The following DPP10 variants were observed in gnomAD, a reference collection of about 807,000 sequenced individuals.
The protein encoded by DPP10 is inactive dipeptidyl peptidase 10.
In DPP10, 33 loss-of-function variants were observed where a neutral mutation model predicts 120.9. The ratio of observed to expected loss-of-function variants is 0.27; its 90% confidence interval spans 0.21 to 0.37. The LOEUF (loss-of-function observed/expected upper bound fraction) is 0.37. Ranked by LOEUF, DPP10 falls within the 10% of genes least tolerant of loss-of-function variation. The probability of loss-of-function intolerance (pLI) is 1.00; values close to 1 mark genes in which losing one functional copy is unlikely to be tolerated. For missense variants in DPP10, 816 were observed against 942.8 expected (o/e 0.87, Z 1.76); for synonymous variants, 337 against 326.1 (o/e 1.03, Z -0.36).
intron 3 of DPP10, among the ~76,000 whole-genome samples, chr2:115,377,301 A>G (rs1488034606): frequency 6.6e-6 from 1 of 152,016 alleles, no homozygotes; most frequent in Admixed American, 6.6e-5. Flanking sequence ...TCTGATGGCC[A>G]GTGATGGTGA....
intron 1 of DPP10, among the ~76,000 whole-genome samples, chr2:114,920,402 G>A (rs2106636351): frequency 6.6e-6 from 1 of 152,198 alleles, no homozygotes; most frequent in East Asian, 1.9e-4. Context: ...ACCCTACTTT[G>A]GTCATGTCCT....
At chr2:114,767,392 T>C (rs1004898669) in intron 1 of DPP10, among the ~76,000 whole-genome samples, 1 of 150,768 alleles carries the variant, frequency 6.6e-6, no homozygotes, top group Non-Finnish European at 1.5e-5. Context: ...ACCTAATTGA[T>C]GAATGGAGGA....
intron 1 of DPP10, among the ~76,000 whole-genome samples, chr2:115,194,576 T>C (rs2055126937): frequency 6.6e-6 from 1 of 152,140 alleles, no homozygotes; most frequent in Non-Finnish European, 1.5e-5. Context: ...TACTAATAGA[T>C]GTTTCAACCT....
intron 1 of DPP10, among the ~76,000 whole-genome samples, chr2:114,600,687 G>A (rs553526146): frequency 6.6e-6 from 1 of 151,798 alleles, no homozygotes; most frequent in Non-Finnish European, 1.5e-5. Context: ...AGTGTTTAAT[G>A]TCCCAGTAAT....
intron 1 of DPP10, among the ~76,000 whole-genome samples, chr2:115,251,929 C>A (rs961146175): frequency 6.6e-6 from 1 of 152,188 alleles, no homozygotes. Context: ...GGCAGCCCCA[C>A]CTTCCAGTAT....
chr2:115,591,596 C>T (rs2082668463), intron 5 of DPP10, among the ~76,000 whole-genome samples: 1 of 152,138 alleles, frequency 6.6e-6, no homozygotes. Flanking sequence ...TGTGATGCCT[C>T]CAGCTTTGTT....
intron 1 of DPP10, among the ~76,000 whole-genome samples, chr2:115,032,462 G>T (rs114546455): frequency 0.019 from 2,907 of 152,240 alleles, 79 homozygotes; most frequent in African/African-American, 0.057. Flanking sequence ...TACAAAGAAA[G>T]ATATTTATTT....
At chr2:114,661,856 TCTC>T (rs1697428099) in intron 1 of DPP10, among the ~76,000 whole-genome samples, 2 of 152,154 alleles carry the variant, frequency 1.3e-5, no homozygotes, top group African/African-American at 4.8e-5. Flanking sequence ...GAAAACGTCT[TCTC>T]CTTAATAAAA....
chr2:114,704,129 T>A (rs1412907373), intron 1 of DPP10, among the ~76,000 whole-genome samples: 1 of 152,126 alleles, frequency 6.6e-6, no homozygotes, highest in Non-Finnish European at 1.5e-5. Flanking sequence ...ATGCTCAGAA[T>A]GATGTATTTC....
At chr2:114,541,140 C>T (rs1013827931) in intron 1 of DPP10, among the ~76,000 whole-genome samples, 2 of 152,142 alleles carry the variant, frequency 1.3e-5, no homozygotes, top group African/African-American at 4.8e-5. Context: ...TTGTGATTTC[C>T]GATGGGGGCG....
intron 5 of DPP10, among the ~76,000 whole-genome samples, chr2:115,545,513 A>T (rs1428480247): frequency 2.6e-5 from 4 of 152,140 alleles, no homozygotes; most frequent in Non-Finnish European, 5.9e-5. Flanking sequence ...TTTTCTTTTT[A>T]AGTGGGAAGA....
chr2:115,329,378 G>T (rs1435853484), intron 2 of DPP10, among the ~76,000 whole-genome samples: 2 of 152,038 alleles, frequency 1.3e-5, no homozygotes, highest in Non-Finnish European at 2.9e-5. Flanking sequence ...AAATTAAGGA[G>T]TATGTATTAT....
At chr2:114,711,865 A>G (rs1701050824) in intron 1 of DPP10, among the ~76,000 whole-genome samples, 1 of 152,222 alleles carries the variant, frequency 6.6e-6, no homozygotes, top group South Asian at 2.1e-4. Flanking sequence ...GGAATAATTA[A>G]CTTCATGTAT....
intron 1 of DPP10, among the ~76,000 whole-genome samples, chr2:114,683,546 C>CT (rs1699166158): frequency 6.8e-6 from 1 of 147,806 alleles, no homozygotes; most frequent in Admixed American, 6.8e-5. Flanking sequence ...CTTCCTTCCT[C>CT]CCTCTCTCTC....
chr2:114,907,134 C>T (rs1199457343), intron 1 of DPP10, among the ~76,000 whole-genome samples: 1 of 143,748 alleles, frequency 7.0e-6, no homozygotes, highest in East Asian at 2.1e-4. Context: ...TATTCACTTT[C>T]ATATTTAAAA....
intron 1 of DPP10, among the ~76,000 whole-genome samples, chr2:114,629,707 T>C (rs951988300): frequency 7.2e-5 from 11 of 152,186 alleles, no homozygotes; most frequent in African/African-American, 2.7e-4. Context: ...TAAAGAAAGA[T>C]TAGACGATAT....
At chr2:114,975,020 G>A (rs1273270082) in intron 1 of DPP10, among the ~76,000 whole-genome samples, 1 of 150,592 alleles carries the variant, frequency 6.6e-6, no homozygotes, top group Non-Finnish European at 1.5e-5. Context: ...AGGTGAGATA[G>A]AAAAATATCT....
chr2:114,666,026 C>T (rs1697897019), intron 1 of DPP10, among the ~76,000 whole-genome samples: 1 of 152,172 alleles, frequency 6.6e-6, no homozygotes, highest in African/African-American at 2.4e-5. Context: ...GATGGAGACA[C>T]ACCAAGTACC....
intron 4 of DPP10, among the ~76,000 whole-genome samples, chr2:115,518,838 A>T (rs957171965): frequency 2.6e-5 from 4 of 152,050 alleles, no homozygotes; most frequent in Non-Finnish European, 4.4e-5. Context: ...CTAATGTCAA[A>T]TTTTTTAGGA....
Sources: gnomAD v4.1 joint callset for allele counts (sites outside exome capture counted in the v4.1 genomes callset) on GRCh38, gnomAD v4.1.1 for gene constraint, MANE v1.5 for transcripts, NCBI Gene and HGNC (gene_info 2026-07-23, HGNC 2026-07-21) for gene names.